Variants in TMEM245 observed in about 807,000 individuals in gnomAD.
TMEM245 encodes protein CG-2.
A neutral mutation model predicts 101.2 loss-of-function variants in TMEM245; 69 were observed. That is an observed-to-expected ratio of 0.68 (90% confidence interval 0.56 to 0.83). The LOEUF is 0.83. TMEM245 is among the 40% of genes least tolerant of loss of function. The probability of loss-of-function intolerance (pLI) is 0.00; values close to 1 mark genes in which losing one functional copy is unlikely to be tolerated. For missense variants in TMEM245, 1,075 were observed against 1,092.8 expected, an observed-to-expected ratio of 0.98 and a Z score of 0.23; for synonymous variants, 537 against 449.8, an observed-to-expected ratio of 1.19 and a Z score of -2.45.
intron 12 of TMEM245, among the ~76,000 whole-genome samples, chr9:109,052,162 A>C (rs575364664): frequency 6.6e-6 from 1 of 152,338 alleles, no homozygotes; most frequent in Admixed American, 6.5e-5. Flanking sequence ...ATTCTTCCTA[A>C]GTGGACTATC....
At position 109,050,039 on chromosome 9, in the gene TMEM245, G is replaced by A. The variant is rs1588034224; in HGVS notation, c.2123+244C>T. On this transcript the variant is annotated intron_variant, in intron 14 of 17. Transcript: ENST00000374586. ...ACTCCTGGCCTCAAGCAATCTTCCT[G>A]CCTCAAGCAATCTCAATTGCTGGAA... is the stretch of plus-strand genomic sequence containing the variant. Among the ~76,000 whole-genome samples the A allele has an allele frequency of 2.0e-5, 3 of 152,234 alleles. No individual in the cohort carries two copies. In the East Asian group the frequency reaches 5.8e-4, roughly 29 times the overall value.
chr9:109,060,895 C>A (rs1478391865), intron 10 of TMEM245, among the ~76,000 whole-genome samples: 1 of 152,144 alleles, frequency 6.6e-6, no homozygotes, highest in Non-Finnish European at 1.5e-5. Flanking sequence ...AATCCTTCCT[C>A]TATTTGCATG....
intron 3 of TMEM245, among the ~76,000 whole-genome samples, chr9:109,096,892 AG>A (rs1830155421): frequency 6.6e-6 from 1 of 152,248 alleles, no homozygotes; most frequent in Admixed American, 6.5e-5. Flanking sequence ...ATGGACTTTC[AG>A]TTCAGCTGCA....
intron 16 of TMEM245, 94 bp downstream of exon 16, chr9:109,036,112 T>G: frequency 9.4e-7 from 1 of 1,061,874 alleles, no homozygotes; most frequent in Non-Finnish European, 1.3e-6. Flanking sequence ...CCAGTTCTTT[T>G]GTATACCCCC....
At chr9:109,073,583 G>A (rs994442587) in intron 8 of TMEM245, 145 bp from the exon 9 acceptor site, 19 of 596,360 alleles carry the variant, frequency 3.2e-5, no homozygotes, top group African/African-American at 1.1e-4. Flanking sequence ...AACATGCAGC[G>A]CAAAGTTACT....
intron 14 of TMEM245, among the ~76,000 whole-genome samples, chr9:109,039,744 T>G (rs990903526): frequency 8.6e-5 from 13 of 151,980 alleles, no homozygotes; most frequent in African/African-American, 3.1e-4. Context: ...ATGAAATCAT[T>G]TCCGTAGTAG....
chr9:109,116,317 G>A (rs1830722782), intron 1 of TMEM245, among the ~76,000 whole-genome samples: 1 of 152,196 alleles, frequency 6.6e-6, no homozygotes, highest in Non-Finnish European at 1.5e-5. Flanking sequence ...AAGGTCCAGA[G>A]TGGGCCTCCT....
rs1292771254 is a variant in TMEM245 at position 109,018,020 on chromosome 9, A to G, written c.*2440T>C. On this transcript the variant is annotated 3_prime_UTR_variant, in exon 18 of 18. Transcript: ENST00000374586. The stretch of plus-strand genomic sequence containing the variant: ...CCTCTGCTCCTGGTATTTCAGGGTG[A>G]TATTACATCACTGCTGCTAATTTTG... 6.6e-6 allele frequency: 1 copy of G among 152,194 alleles called. No individual in the cohort carries two copies. Among genetic ancestry groups the G allele is most frequent in the East Asian group, 1.9e-4 (1 of 5,184 alleles). The allele number at this position is 152,194 out of a possible 1,614,324, so 9.4% of individuals were successfully genotyped here. A position where few individuals can be genotyped will look rare whatever the true frequency, so the allele number is the denominator to read the frequency against.
At position 109,057,253 on chromosome 9, in the gene TMEM245, C is replaced by G; in HGVS notation, c.1792G>C (p.Asp598His). 1 of 1,614,158 alleles carries G rather than the reference C, an allele frequency of 6.2e-7. No homozygotes were observed. The highest frequency in any genetic ancestry group is 1.3e-5 in the African/African-American group (1 of 75,056). ...HVSRQNSWLGDILDWQDIVSF... is the reference protein window; with the variant it reads ...HVSRQNSWLGHILDWQDIVSF... The stretch of plus-strand genomic sequence containing the variant: ...ACAATATCCTGCCAGTCCAGAATGT[C>G]TCCCAGCCAGCTATTCTGACGACTG... The change falls in exon 12 of 18, where the codon GAC becomes CAC. Residue 598 changes from aspartate to histidine, a missense_variant. Transcript: ENST00000374586.
intron 7 of TMEM245, 52 bp downstream of exon 7, chr9:109,085,945 A>T (rs540042073): frequency 5.7e-6 from 9 of 1,588,044 alleles, no homozygotes; most frequent in Middle Eastern, 1.7e-4. Flanking sequence ...AAGGCGATAC[A>T]GGGGCATTAC....
In TMEM245 at chr9:109,108,438, AAAGAAG is replaced by A; in HGVS notation, c.697+9_697+14del. 1 of 1,454,182 alleles carries A rather than the reference AAAGAAG, an allele frequency of 6.9e-7. No individual in the cohort carries two copies. Among genetic ancestry groups the A allele is most frequent in the Admixed American group, 2.5e-5 (1 of 39,842 alleles). 90.1% of individuals were successfully genotyped at this position (1,454,182 alleles called of 1,614,324 possible). On this transcript the variant is annotated intron_variant, in intron 2 of 17. Coordinates refer to ENST00000374586, the MANE Select transcript of TMEM245 (RefSeq NM_032012.4). ...CTAGACTTAAAAAAAAAAAAAAAAA[AAAGAAG>A]GAACCCACCTAAATGAAAAAGCAAT...
Position 109,057,201 on chromosome 9 carries a change from G to A in TMEM245, c.1844C>T (p.Thr615Ile), listed in dbSNP as rs1828864845. The change falls in exon 12 of 18, where the codon ACA becomes ATA. Residue 615 changes from threonine to isoleucine, a missense_variant. Physicochemically the swap from Thr to Ile is moderately conservative, Grantham distance 89. Transcript: ENST00000374586. ...AATGCTATTTCTTACCGAAAGAAAT[G>A]TCTCAATGTTCTCGTGAACAAAGGA... ...IVSFVHENIE[T>I]FLSILESLWI... The A allele has an allele frequency of 1.2e-6, 2 of 1,613,180 alleles. No homozygotes were observed. The highest frequency in any genetic ancestry group is 2.2e-5 in the South Asian group (2 of 90,864).
At position 109,119,521 on chromosome 9, in the gene TMEM245, G is replaced by T. The variant is rs768649700; in HGVS notation, c.393C>A (p.Val131=). 1 of 1,527,264 alleles carries T rather than the reference G, an allele frequency of 6.5e-7. No individual in the cohort carries two copies. The highest frequency in any genetic ancestry group is 8.7e-7 in the Non-Finnish European group (1 of 1,143,052). 94.6% of individuals were successfully genotyped at this position (1,527,264 alleles called of 1,614,324 possible). The part of the protein sequence containing the change: ...LAALLLPLCF[V]DYGVEALGEQ... ...CGCCCAGGGCCTCGACGCCGTAGTCGACGAAGCAGAGCGGCAGGAGCAGCG... is the reference window on the plus strand; with the variant it reads ...CGCCCAGGGCCTCGACGCCGTAGTCTACGAAGCAGAGCGGCAGGAGCAGCG... Residue 131 remains valine (V), a synonymous_variant, in exon 1 of 18, where the codon GTC becomes GTA. Coordinates refer to ENST00000374586, the MANE Select transcript of TMEM245 (RefSeq NM_032012.4).
intron 1 of TMEM245, 70 bp from the exon 2 acceptor site, chr9:109,108,640 T>C: frequency 9.6e-6 from 11 of 1,148,170 alleles, no homozygotes; most frequent in Non-Finnish European, 1.1e-5. Context: ...ATACAAAATC[T>C]GTAAGTGTCT....
intron 5 of TMEM245, 126 bp from the exon 6 acceptor site, chr9:109,087,468 G>A: frequency 9.9e-7 from 1 of 1,006,800 alleles, no homozygotes; most frequent in South Asian, 2.0e-5. Context: ...GAAGATCAAT[G>A]TTAAAAAGCA....
chr9:109,069,075 A>G (rs1829255642), intron 9 of TMEM245, among the ~76,000 whole-genome samples: 1 of 152,312 alleles, frequency 6.6e-6, no homozygotes, highest in Non-Finnish European at 1.5e-5. Context: ...GGATGGGGTG[A>G]AGAGTATATG....
chr9:109,081,820 C>T (rs908670310), intron 7 of TMEM245, among the ~76,000 whole-genome samples: 2 of 152,188 alleles, frequency 1.3e-5, no homozygotes, highest in East Asian at 1.9e-4. Context: ...TCCCTAAATG[C>T]TATCTGACAT....
intron 12 of TMEM245, among the ~76,000 whole-genome samples, chr9:109,055,032 T>C (rs1355909244): frequency 6.6e-6 from 1 of 152,222 alleles, no homozygotes; most frequent in African/African-American, 2.4e-5. Context: ...AGGGATTACA[T>C]GGCAAAACTG....
chr9:109,038,190 C>A, intron 14 of TMEM245, 73 bp from the exon 15 acceptor site: 1 of 1,115,120 alleles, frequency 9.0e-7, no homozygotes, highest in Non-Finnish European at 1.3e-6. Flanking sequence ...ATCACGTGAC[C>A]ACTTGATTCC....
Sources: gnomAD v4.1 joint callset for allele counts (sites outside exome capture counted in the v4.1 genomes callset) on GRCh38, gnomAD v4.1.1 for gene constraint, MANE v1.5 for transcripts, NCBI Gene and HGNC (gene_info 2026-07-23, HGNC 2026-07-21) for gene names.